The following C3orf70 variants were observed in gnomAD, a reference collection of about 807,000 sequenced individuals.
The protein encoded by C3orf70 is UPF0524 protein C3orf70.
A neutral mutation model predicts 20.7 loss-of-function variants in C3orf70; 15 were observed. The observed-to-expected ratio is 0.72, with a 90% CI of 0.48 to 1.11. The LOEUF (loss-of-function observed/expected upper bound fraction) is 1.11. Among genes scored for constraint, C3orf70 ranks in the 50% most tolerant of loss-of-function variants. C3orf70 has a pLI of 0.00. For missense variants in C3orf70, 332 were observed against 317.6 expected, an observed-to-expected ratio of 1.05 and a Z score of -0.34; for synonymous variants, 161 against 125.7, an observed-to-expected ratio of 1.28 and a Z score of -1.88.
At chr3:185,139,634 G>A (rs1177253468) in intron 1 of C3orf70, among the ~76,000 whole-genome samples, 1 of 151,552 alleles carries the variant, frequency 6.6e-6, no homozygotes, top group African/African-American at 2.4e-5. Flanking sequence ...ACTGGCAGAA[G>A]AAGAGACATG....
At chr3:185,103,828 T>C (rs2108593359) in intron 1 of C3orf70, among the ~76,000 whole-genome samples, 1 of 152,298 alleles carries the variant, frequency 6.6e-6, no homozygotes, top group Non-Finnish European at 1.5e-5. Context: ...CTTTTGTTCT[T>C]TGTGTGATTA....
intron 1 of C3orf70, among the ~76,000 whole-genome samples, chr3:185,091,583 A>G (rs1004329141): frequency 1.1e-4 from 17 of 152,126 alleles, no homozygotes; most frequent in African/African-American, 3.6e-4. Context: ...GAAGAGGAGG[A>G]GACACATCTT....
rs1323027770 is a variant in C3orf70 at position 185,083,129 on chromosome 3, C to T, written c.631G>A (p.Ala211Thr). The T allele has an allele frequency of 6.2e-7, 1 of 1,614,194 alleles. No homozygotes were observed. Among genetic ancestry groups the T allele is most frequent in the Admixed American group, 1.7e-5 (1 of 60,020 alleles). Residue 211 changes from alanine (A) to threonine (T), a missense_variant, in exon 2 of 2, where the codon GCA (alanine) becomes ACA (threonine). Coordinates refer to ENST00000335012, the MANE Select transcript of C3orf70 (RefSeq NM_001025266.3). ...ESCDEDTEEG[A>T]ELSSEEDYSP... ...TAATCTTCCTCTGAACTCAGTTCTG[C>T]TCCTTCTTCTGTGTCCTCGTCACAC...
In C3orf70 at chr3:185,106,516, T is replaced by C. The variant is rs1449223462; in HGVS notation, c.197-22953A>G. Among the ~76,000 whole-genome samples the C allele has an allele frequency of 3.9e-5, 6 of 152,302 alleles. No homozygotes were observed. The South Asian group carries it at 8.3e-4, about 21-fold the overall frequency. ...AAAGAAAACTGCTGAGCCTGAAATA[T>C]GTCCAAAATGTAAAAAAGGAAAACA... On this transcript the variant is annotated intron_variant, in intron 1 of 1. Transcript: ENST00000335012.
intron 1 of C3orf70, among the ~76,000 whole-genome samples, chr3:185,120,541 C>T (rs187133956): frequency 6.6e-6 from 1 of 151,996 alleles, no homozygotes; most frequent in East Asian, 1.9e-4. Context: ...AGGAAAAAAA[C>T]AATCCCATCA....
chr3:185,146,165 T>C (rs147289692), intron 1 of C3orf70, among the ~76,000 whole-genome samples: 2 of 152,302 alleles, frequency 1.3e-5, no homozygotes, highest in Non-Finnish European at 2.9e-5. Flanking sequence ...CTATCAGCGT[T>C]CTCTATCTCT....
At chr3:185,126,333 T>G (rs935223362) in intron 1 of C3orf70, among the ~76,000 whole-genome samples, 2 of 152,090 alleles carry the variant, frequency 1.3e-5, no homozygotes, top group Non-Finnish European at 2.9e-5. Flanking sequence ...ATTTCCTAGG[T>G]AAAATAGCCT....
intron 1 of C3orf70, among the ~76,000 whole-genome samples, chr3:185,143,602 A>G (rs1468467200): frequency 6.6e-6 from 1 of 152,182 alleles, no homozygotes. Context: ...ATATCAGAAA[A>G]TTGAAGTATA....
chr3:185,136,796 T>TGG (rs372112811), intron 1 of C3orf70, among the ~76,000 whole-genome samples: 70,483 of 149,726 alleles, frequency 0.47, 17,059 homozygotes, highest in Non-Finnish European at 0.56. Context: ...CCTGTAATCC[T>TGG]GGCTACTCAG....
intron 1 of C3orf70, among the ~76,000 whole-genome samples, chr3:185,100,761 T>C (rs373923077): frequency 6.7e-6 from 1 of 150,194 alleles, no homozygotes; most frequent in Non-Finnish European, 1.5e-5. Flanking sequence ...AGTTGGTTTT[T>C]TGAAAAAAAA....
rs114470857 is a variant in C3orf70 at position 185,142,337 on chromosome 3, G to T, written c.196+10291C>A. 2.5e-3 allele frequency among the ~76,000 whole-genome samples: 384 copies of T among 152,170 alleles called. 1 individual carries two copies. Among genetic ancestry groups the T allele is most frequent in the African/African-American group, 9.1e-3 (377 of 41,528 alleles). ...GCCAGGCATGGTGGCATGCTTCTGT[G>T]GCCCCAGCCACTTGGAGGCTGAGGT... On this transcript the variant is annotated intron_variant, in intron 1 of 1. Transcript: ENST00000335012.
intron 1 of C3orf70, among the ~76,000 whole-genome samples, chr3:185,086,986 C>A (rs1441753138): frequency 2.0e-5 from 3 of 152,098 alleles, no homozygotes; most frequent in African/African-American, 7.2e-5. Context: ...TAACTTATAT[C>A]CCTGGGGTAT....
chr3:185,113,165 C>A (rs999191024), intron 1 of C3orf70, among the ~76,000 whole-genome samples: 3 of 151,712 alleles, frequency 2.0e-5, no homozygotes, highest in Admixed American at 1.3e-4. Context: ...CAATGTAGGG[C>A]CAGGCATGGT....
chr3:185,086,159 A>G (rs974511784), intron 1 of C3orf70, among the ~76,000 whole-genome samples: 1 of 152,168 alleles, frequency 6.6e-6, no homozygotes, highest in African/African-American at 2.4e-5. Flanking sequence ...GAAAAGGTGA[A>G]GCCCGGCTTT....
intron 1 of C3orf70, among the ~76,000 whole-genome samples, chr3:185,108,164 T>A (rs977484242): frequency 3.9e-5 from 6 of 152,252 alleles, no homozygotes; most frequent in Non-Finnish European, 8.8e-5. Context: ...GTTTCAGTTT[T>A]TGAAATTAAC....
intron 1 of C3orf70, among the ~76,000 whole-genome samples, chr3:185,135,500 T>C (rs554332242): frequency 2.0e-5 from 3 of 152,188 alleles, no homozygotes; most frequent in South Asian, 4.2e-4. Flanking sequence ...CTGGGAAAGA[T>C]GTGGGGAGGG....
At chr3:185,120,033 A>AAAAAAAAAAAGAAAAAGAAAG (rs55921240) in intron 1 of C3orf70, among the ~76,000 whole-genome samples, 17 of 100,740 alleles carry the variant, frequency 1.7e-4, no homozygotes, top group African/African-American at 4.6e-4. Context: ...AAAAAAAAAA[A>AAAAAAAAAAAGAAAAAGAAAG]AAAAAGAAAA....
chr3:185,077,984 T>C lies in C3orf70; in HGVS notation c.*5023A>G, dbSNP rs1451259294. 2 of 152,502 alleles carry C rather than the reference T, an allele frequency of 1.3e-5. No homozygotes were observed. The highest frequency in any genetic ancestry group is 1.9e-4 in the East Asian group (1 of 5,178). 9.4% of individuals were successfully genotyped at this position (152,502 alleles called of 1,614,324 possible). ...ACGTAGGAAAGACCTGATATATAAA[T>C]GTTTCACACTTTGCAAACGTGAGTT... On this transcript the variant is annotated 3_prime_UTR_variant, in exon 2 of 2. Coordinates refer to ENST00000335012, the MANE Select transcript of C3orf70 (RefSeq NM_001025266.3).
At chr3:185,103,501 GAAAA>G (rs36069491) in intron 1 of C3orf70, among the ~76,000 whole-genome samples, 111 of 149,750 alleles carry the variant, frequency 7.4e-4, no homozygotes, top group African/African-American at 2.7e-3. Context: ...AAATTTACAA[GAAAA>G]AAAAAACCAT....
Sources: allele counts gnomAD v4.1 joint callset (sites outside exome capture counted in the v4.1 genomes callset), GRCh38; gene constraint gnomAD v4.1.1; transcripts MANE v1.5; gene names NCBI Gene and HGNC (gene_info 2026-07-23, HGNC 2026-07-21).